Variants in ZBBX observed in about 807,000 individuals in gnomAD.
ZBBX encodes zinc finger B-box domain-containing protein 1.
Under a neutral mutation model 108.5 loss-of-function variants are expected in ZBBX, and 101 were observed. That is an observed-to-expected ratio of 0.93 (90% CI 0.79 to 1.10). The LOEUF (loss-of-function observed/expected upper bound fraction) is 1.10. Ranked by LOEUF, ZBBX falls within the 50% of genes least tolerant of loss-of-function variation. The pLI, the probability that ZBBX is intolerant of heterozygous loss-of-function variation, is 0.00. For missense variants in ZBBX, 1,009 were observed against 941.4 expected, an observed-to-expected ratio of 1.07 and a Z score of -0.94; for synonymous variants, 356 against 323.4, an observed-to-expected ratio of 1.10 and a Z score of -1.08.
At chr3:167,403,136 A>G (rs930410027) in intron 1 of ZBBX, among the ~76,000 whole-genome samples, 9 of 152,308 alleles carry the variant, frequency 5.9e-5, no homozygotes, top group Admixed American at 5.2e-4. Context: ...CAAAATGCAC[A>G]TAAGCATATA....
intron 20 of ZBBX, among the ~76,000 whole-genome samples, chr3:167,253,606 G>A (rs1003894010): frequency 1.3e-5 from 2 of 152,084 alleles, no homozygotes; most frequent in Non-Finnish European, 2.9e-5. Flanking sequence ...ATACAGAAGA[G>A]TACAATACAG....
the ZBBX span, among the ~76,000 whole-genome samples, chr3:167,200,572 C>A: frequency 2.6e-5 from 4 of 152,282 alleles, no homozygotes; most frequent in Admixed American, 1.3e-4. Context: ...GATCAACCTT[C>A]TTTCTTCTTT....
intron 9 of ZBBX, among the ~76,000 whole-genome samples, chr3:167,337,284 G>A (rs888701924): frequency 7.9e-5 from 12 of 152,096 alleles, no homozygotes; most frequent in Middle Eastern, 3.2e-3. Context: ...TTGTGAGGCC[G>A]AGGTGGGAGG....
At chr3:167,386,516 C>T (rs1157098548) in intron 1 of ZBBX, among the ~76,000 whole-genome samples, 1 of 151,970 alleles carries the variant, frequency 6.6e-6, no homozygotes. Context: ...CTTGCATAGG[C>T]ATATATAAGT....
At chr3:167,339,211 T>C (rs1377585046) in intron 9 of ZBBX, among the ~76,000 whole-genome samples, 1 of 151,956 alleles carries the variant, frequency 6.6e-6, no homozygotes, top group Non-Finnish European at 1.5e-5. Flanking sequence ...TAACAACATA[T>C]GAAAACCATA....
chr3:167,359,783 G>T lies in ZBBX; in HGVS notation c.432+87C>A, dbSNP rs1014002163. On this transcript the variant is annotated intron_variant, in intron 8 of 21. Coordinates refer to ENST00000675490, the MANE Select transcript of ZBBX (RefSeq NM_001199201.2). ...TACCAAGCAAGTTAAGTTGGGAGAGGTGTATGAGGCCATGTGAAAGTTCTA... is the reference window on the plus strand; with the variant it reads ...TACCAAGCAAGTTAAGTTGGGAGAGTTGTATGAGGCCATGTGAAAGTTCTA... 7.5e-6 allele frequency: 4 copies of T among 531,544 alleles called. No individual in the cohort carries two copies. The Admixed American group carries it at 1.2e-4, about 16-fold the overall frequency. The allele number at this position is 531,544 out of a possible 1,614,324, so 32.9% of individuals were successfully genotyped here.
chr3:167,235,454 C>T (rs1001635179), downstream of ZBBX, among the ~76,000 whole-genome samples: 1 of 151,270 alleles, frequency 6.6e-6, no homozygotes, highest in African/African-American at 2.4e-5. Flanking sequence ...AGTCTATTTT[C>T]CCCCTGGAAA....
chr3:167,236,517 T>G (rs1321114345), downstream of ZBBX, among the ~76,000 whole-genome samples: 2 of 151,798 alleles, frequency 1.3e-5, no homozygotes, highest in African/African-American at 4.8e-5. Context: ...GTCAGTATCT[T>G]TTTCTCCATT....
intron 11 of ZBBX, among the ~76,000 whole-genome samples, chr3:167,322,867 GA>G (rs1217963654): frequency 1.3e-5 from 2 of 151,516 alleles, no homozygotes; most frequent in East Asian, 1.9e-4. Flanking sequence ...CATCACAGGG[GA>G]AAAAAAATGT....
At chr3:167,181,098 G>T in the ZBBX span, among the ~76,000 whole-genome samples, 1 of 152,076 alleles carries the variant, frequency 6.6e-6, no homozygotes, top group Admixed American at 6.6e-5. Context: ...AAAGGTATAG[G>T]TTCTGGAGGC....
rs1342221130 is a variant in ZBBX at position 167,305,914 on chromosome 3, T to A, written c.1454A>T (p.Asp485Val). 6.3e-7 allele frequency: 1 copy of A among 1,578,212 alleles called. No homozygotes were observed. Among genetic ancestry groups the A allele is most frequent in the Non-Finnish European group, 8.6e-7 (1 of 1,164,926 alleles). The change falls in exon 17 of 22, where the codon GAT becomes GTT. Residue 485 changes from aspartate to valine, a missense_variant. Transcript: ENST00000675490. ...AATGTCAGAAGAATACACATCAGGA[T>A]CCACGATGTTGTCAAAATCTGTGTT... ...TSNTDFDNIV[D>V]PDVYSSDIEK...
the ZBBX span, among the ~76,000 whole-genome samples, chr3:167,215,724 T>A: frequency 6.6e-6 from 1 of 152,122 alleles, no homozygotes; most frequent in Admixed American, 6.5e-5. Context: ...GATGCAAAAA[T>A]CCTCAACAAA....
At chr3:167,245,342 G>A (rs765045834) in intron 20 of ZBBX, among the ~76,000 whole-genome samples, 74 of 152,296 alleles carry the variant, frequency 4.9e-4, no homozygotes, top group African/African-American at 1.6e-3. Flanking sequence ...CAGCCTGGGC[G>A]ACAAAGCCCT....
At chr3:167,234,013 G>C in the ZBBX span, among the ~76,000 whole-genome samples, 1 of 151,670 alleles carries the variant, frequency 6.6e-6, no homozygotes, top group Non-Finnish European at 1.5e-5. Flanking sequence ...CTTTTGTTCA[G>C]CAATTCAGTC....
intron 16 of ZBBX, among the ~76,000 whole-genome samples, chr3:167,313,469 G>C (rs1734936129): frequency 6.6e-6 from 1 of 151,882 alleles, no homozygotes; most frequent in Non-Finnish European, 1.5e-5. Flanking sequence ...TTTTAGTAGA[G>C]ATAGGGTTTT....
chr3:167,183,436 C>T, the ZBBX span, among the ~76,000 whole-genome samples: 1 of 152,188 alleles, frequency 6.6e-6, no homozygotes, highest in Admixed American at 6.5e-5. Context: ...AAGACCAGCT[C>T]GATCAGGGAG....
intron 20 of ZBBX, among the ~76,000 whole-genome samples, chr3:167,275,048 G>A (rs1727261515): frequency 6.6e-6 from 1 of 152,088 alleles, no homozygotes; most frequent in Admixed American, 6.5e-5. Context: ...TTTTGTGGTG[G>A]AAAAACATTT....
the ZBBX span, among the ~76,000 whole-genome samples, chr3:167,225,677 T>C: frequency 6.6e-6 from 1 of 151,712 alleles, no homozygotes; most frequent in Non-Finnish European, 1.5e-5. Flanking sequence ...CTCAAACTAC[T>C]GCCTCAGTCA....
chr3:167,247,469 G>A (rs563434247), intron 20 of ZBBX, among the ~76,000 whole-genome samples: 2 of 152,210 alleles, frequency 1.3e-5, no homozygotes, highest in East Asian at 1.9e-4. Context: ...CAAAGACCAC[G>A]TGTGATCCAA....
Sources: allele counts gnomAD v4.1 joint callset (sites outside exome capture counted in the v4.1 genomes callset), GRCh38; gene constraint gnomAD v4.1.1; transcripts MANE v1.5; gene names NCBI Gene and HGNC (gene_info 2026-07-23, HGNC 2026-07-21).